Variants in EYA1 observed in about 807,000 individuals in gnomAD.
EYA1 encodes protein phosphatase EYA1.
A neutral mutation model predicts 82.0 loss-of-function variants in EYA1; 16 were observed. The observed-to-expected ratio is 0.20, with a 90% CI of 0.13 to 0.30. The LOEUF (loss-of-function observed/expected upper bound fraction) is 0.30, where lower values mean the gene tolerates loss of function less well. Ranked by LOEUF, EYA1 falls within the 10% of genes least tolerant of loss-of-function variation. The pLI, the probability that EYA1 is intolerant of heterozygous loss-of-function variation, is 1.00. For missense variants in EYA1, 633 were observed against 730.7 expected, an observed-to-expected ratio of 0.87 and a Z score of 1.54; for synonymous variants, 261 against 264.4, an observed-to-expected ratio of 0.99 and a Z score of 0.12.
intron 2 of EYA1, among the ~76,000 whole-genome samples, chr8:71,521,871 A>G (rs890751601): frequency 3.9e-5 from 6 of 152,148 alleles, no homozygotes; most frequent in Non-Finnish European, 5.9e-5. Context: ...TTTAACTATC[A>G]ATCTGAGCTT....
intron 9 of EYA1, among the ~76,000 whole-genome samples, chr8:71,274,378 T>A (rs2128956218): frequency 6.6e-6 from 1 of 152,342 alleles, no homozygotes; most frequent in Non-Finnish European, 1.5e-5. Flanking sequence ...TCCTTCCTCC[T>A]CCTAGTGCAA....
chr8:71,334,557 A>T (rs1824268239), intron 3 of EYA1, among the ~76,000 whole-genome samples: 1 of 152,226 alleles, frequency 6.6e-6, no homozygotes, highest in Non-Finnish European at 1.5e-5. Context: ...AGGATAGAAC[A>T]GAAAGATGTG....
intron 12 of EYA1, among the ~76,000 whole-genome samples, chr8:71,233,871 T>C (rs1811521125): frequency 6.6e-6 from 1 of 152,178 alleles, no homozygotes. Context: ...AAATAAGTAA[T>C]TAAAGAAAAC....
intron 2 of EYA1, among the ~76,000 whole-genome samples, chr8:71,405,627 C>T (rs1200626185): frequency 6.6e-6 from 1 of 152,146 alleles, no homozygotes; most frequent in Non-Finnish European, 1.5e-5. Context: ...TGAATGCACG[C>T]TAAGCCACTC....
At chr8:71,487,392 G>T (rs972647944) in intron 2 of EYA1, among the ~76,000 whole-genome samples, 1 of 152,128 alleles carries the variant, frequency 6.6e-6, no homozygotes, top group African/African-American at 2.4e-5. Context: ...AGTCTACAAA[G>T]ATCTGAGACT....
At chr8:71,474,251 G>A (rs1809476154) in intron 2 of EYA1, among the ~76,000 whole-genome samples, 2 of 150,722 alleles carry the variant, frequency 1.3e-5, no homozygotes, top group African/African-American at 4.9e-5. Flanking sequence ...GAAGGAAGAA[G>A]AAGAAGAAGC....
In EYA1 at chr8:71,527,664, A is replaced by G. The variant is rs149361717; in HGVS notation, c.33+8080T>C. On this transcript the variant is annotated intron_variant, in intron 2 of 18. Coordinates refer to the EYA1 transcript ENST00000643681. ...CTTAAGTTGGTCCTCTTTATTCACC[A>G]GTTCTGCATCCCATCTGCAGATAGG... is the stretch of plus-strand genomic sequence containing the variant. 5.8e-3 allele frequency among the ~76,000 whole-genome samples: 876 copies of G among 152,298 alleles called. 3 individuals carry two copies. Among genetic ancestry groups the G allele is most frequent in the Non-Finnish European group, 9.7e-3 (661 of 68,016 alleles).
At chr8:71,287,920 T>C (rs1439306820) in intron 9 of EYA1, among the ~76,000 whole-genome samples, 1 of 152,202 alleles carries the variant, frequency 6.6e-6, no homozygotes, top group Non-Finnish European at 1.5e-5. Context: ...AGTCATCCTA[T>C]ACACAAGAGT....
intron 2 of EYA1, among the ~76,000 whole-genome samples, chr8:71,460,043 G>A (rs1235190989): frequency 1.3e-5 from 2 of 152,178 alleles, no homozygotes; most frequent in Non-Finnish European, 2.9e-5. Flanking sequence ...ACTAAGAGAA[G>A]TTCCTTAAAC....
chr8:71,378,963 G>A lies in EYA1; in HGVS notation c.34-22452C>T, dbSNP rs78989351. On this transcript the variant is annotated intron_variant, in intron 2 of 18. Coordinates refer to the EYA1 transcript ENST00000643681. ...ATTCTGTAAATTGACTTTTAGCTTC[G>A]GAATGAACATGTGTTTATCAAAGCA... is the stretch of plus-strand genomic sequence containing the variant. 7.1e-3 allele frequency among the ~76,000 whole-genome samples: 1,080 copies of A among 152,162 alleles called. 14 individuals carry two copies. Among genetic ancestry groups the A allele is most frequent in the Admixed American group, 8.4e-3 (129 of 15,272 alleles).
chr8:71,212,633 G>C lies in EYA1; in HGVS notation c.1598-1377C>G, dbSNP rs978053423. 5.3e-5 allele frequency among the ~76,000 whole-genome samples: 8 copies of C among 152,284 alleles called. No individual in the cohort carries two copies. In the East Asian group the frequency reaches 1.2e-3, roughly 22 times the overall value. ...CATGTAGAAATTTTTCACAATAGAG[G>C]TTAAGAAAATGAAGCTTAGATTTTA... On this transcript the variant is annotated intron_variant, in intron 16 of 17. Coordinates refer to ENST00000340726, the MANE Select transcript of EYA1 (RefSeq NM_000503.6).
At chr8:71,296,706 C>T (rs1278520352) in intron 9 of EYA1, among the ~76,000 whole-genome samples, 1 of 151,762 alleles carries the variant, frequency 6.6e-6, no homozygotes, top group Non-Finnish European at 1.5e-5. Context: ...AATTCTACCT[C>T]AAAACAGAAA....
chr8:71,523,241 C>T (rs1351985687), intron 2 of EYA1, among the ~76,000 whole-genome samples: 3 of 137,034 alleles, frequency 2.2e-5, no homozygotes, highest in South Asian at 2.3e-4. Flanking sequence ...TGCAGTGGCG[C>T]GATCTCGGCT....
chr8:71,335,499 T>C (rs1457103424), intron 3 of EYA1, among the ~76,000 whole-genome samples: 1 of 152,220 alleles, frequency 6.6e-6, no homozygotes, highest in Non-Finnish European at 1.5e-5. Flanking sequence ...ATCGTGAGAC[T>C]AATGGAAATC....
chr8:71,327,624 G>A (rs1023259848), intron 4 of EYA1, among the ~76,000 whole-genome samples: 1 of 152,108 alleles, frequency 6.6e-6, no homozygotes, highest in Non-Finnish European at 1.5e-5. Context: ...TGGAAAACCA[G>A]CCTCCCCTTT....
rs1041702126 is a variant in EYA1 at position 71,303,382 on chromosome 8, C to A, written c.557-3662G>T. On this transcript the variant is annotated intron_variant, in intron 7 of 17. Transcript: ENST00000340726. ...GTATTTTAAGCCAAGTACTAATTGA[C>A]CTGTAAACTAACAAATACTAATTAT... is the stretch of plus-strand genomic sequence containing the variant. 2.8e-5 allele frequency among the ~76,000 whole-genome samples: 4 copies of A among 142,064 alleles called. 1 individual carries two copies. In the South Asian group the frequency reaches 9.1e-4, roughly 32 times the overall value. 93.2% of individuals were successfully genotyped at this position (142,064 alleles called of 152,430 possible). A position where few individuals can be genotyped will look rare whatever the true frequency, so the allele number is the denominator to read the frequency against.
In EYA1 at chr8:71,477,724, T is replaced by C. The variant is rs140893169; in HGVS notation, c.33+58020A>G. Among the ~76,000 whole-genome samples, 320 of 152,230 alleles carry C rather than the reference T, an allele frequency of 2.1e-3. 3 individuals carry two copies. The highest frequency in any genetic ancestry group is 8.5e-3 in the East Asian group (44 of 5,180). ...CCATATGGCTCAGCATGTCTACTCC[T>C]AGGTATACAGCCAAGAGAAATGAAA... On this transcript the variant is annotated intron_variant, in intron 2 of 18. Coordinates refer to the EYA1 transcript ENST00000643681.
chr8:71,404,767 A>T (rs1390791468), intron 2 of EYA1: 1 of 153,944 alleles, frequency 6.5e-6, no homozygotes, highest in Non-Finnish European at 1.4e-5. Flanking sequence ...TAATACAAAA[A>T]ATTAGCCAGA....
chr8:71,503,302 G>A (rs187036181), intron 2 of EYA1, among the ~76,000 whole-genome samples: 28 of 151,900 alleles, frequency 1.8e-4, no homozygotes, highest in Non-Finnish European at 3.7e-4. Context: ...GAGAAACCCC[G>A]TCTCTACTAA....
Sources: allele counts gnomAD v4.1 joint callset (sites outside exome capture counted in the v4.1 genomes callset), GRCh38; gene constraint gnomAD v4.1.1; transcripts MANE v1.5; gene names NCBI Gene and HGNC (gene_info 2026-07-23, HGNC 2026-07-21).